The following CFAP299 variants were observed in gnomAD, a reference collection of about 807,000 sequenced individuals.
The protein encoded by CFAP299 is cilia and flagella associated protein 299.
A neutral mutation model predicts 27.0 loss-of-function variants in CFAP299; 21 were observed. That is an observed-to-expected ratio of 0.78 (90% CI 0.55 to 1.12). CFAP299 has a LOEUF of 1.12. CFAP299 is among the 50% of genes most tolerant of loss of function. The pLI, the probability that CFAP299 is intolerant of heterozygous loss-of-function variation, is 0.00. For synonymous variants in CFAP299, 104 were observed against 98.1 expected (o/e 1.06, Z -0.36); for missense variants, 310 against 276.6 (o/e 1.12, Z -0.86).
At chr4:80,604,432 G>A (rs1438293582) in intron 3 of CFAP299, among the ~76,000 whole-genome samples, 2 of 152,092 alleles carry the variant, frequency 1.3e-5, no homozygotes, top group East Asian at 1.9e-4. Flanking sequence ...CCAGTGCTCC[G>A]CTCTCTAGGT....
At chr4:80,554,628 T>G (rs1167825806) in intron 2 of CFAP299, among the ~76,000 whole-genome samples, 1 of 151,320 alleles carries the variant, frequency 6.6e-6, no homozygotes, top group Non-Finnish European at 1.5e-5. Context: ...TTTCTATCCA[T>G]AAGCATGAGA....
chr4:80,653,196 C>T (rs950617218), intron 3 of CFAP299, among the ~76,000 whole-genome samples: 3 of 152,068 alleles, frequency 2.0e-5, no homozygotes, highest in Non-Finnish European at 4.4e-5. Context: ...TTATCCAAAA[C>T]CTCCTCTTTC....
At chr4:80,485,001 G>A (rs1437773589) in intron 2 of CFAP299, among the ~76,000 whole-genome samples, 1 of 151,982 alleles carries the variant, frequency 6.6e-6, no homozygotes, top group Non-Finnish European at 1.5e-5. Context: ...TAAGTCACTA[G>A]CATCAATGAA....
chr4:80,321,370 C>T, the CFAP299 span, among the ~76,000 whole-genome samples: 1 of 152,246 alleles, frequency 6.6e-6, no homozygotes, highest in Admixed American at 6.5e-5. Context: ...TGTTAAAACC[C>T]ACCCTTGCTC....
chr4:80,665,475 G>A (rs1016455987), intron 3 of CFAP299, among the ~76,000 whole-genome samples: 1 of 151,660 alleles, frequency 6.6e-6, no homozygotes, highest in Non-Finnish European at 1.5e-5. Context: ...TCTTCTCTGT[G>A]TCCAGCTGTA....
At chr4:80,677,323 T>C (rs886538566) in intron 3 of CFAP299, among the ~76,000 whole-genome samples, 4 of 152,112 alleles carry the variant, frequency 2.6e-5, no homozygotes, top group Non-Finnish European at 4.4e-5. Context: ...CTTGATATGA[T>C]TTATGCTTTT....
At chr4:80,813,849 A>T (rs73829137) in intron 3 of CFAP299, among the ~76,000 whole-genome samples, 1 of 151,964 alleles carries the variant, frequency 6.6e-6, no homozygotes, top group Non-Finnish European at 1.5e-5. Flanking sequence ...CCAGAAAAGG[A>T]AAAAAACAAA....
intron 3 of CFAP299, among the ~76,000 whole-genome samples, chr4:80,642,132 T>C (rs1027148092): frequency 1.3e-5 from 2 of 152,174 alleles, no homozygotes; most frequent in Non-Finnish European, 2.9e-5. Context: ...ATTTATCAAT[T>C]GCAAAATACC....
intron 3 of CFAP299, among the ~76,000 whole-genome samples, chr4:80,712,923 G>A (rs1228082454): frequency 2.0e-5 from 3 of 152,094 alleles, no homozygotes; most frequent in Admixed American, 2.0e-4. Context: ...TTAGTGGAGT[G>A]CCCTATTAGA....
intron 3 of CFAP299, among the ~76,000 whole-genome samples, chr4:80,699,389 A>T (rs1236770762): frequency 6.6e-6 from 1 of 152,060 alleles, no homozygotes; most frequent in Admixed American, 6.6e-5. Context: ...CAAACTCCAT[A>T]ACTCCCGATC....
At chr4:80,778,324 C>A (rs748742614) in intron 3 of CFAP299, among the ~76,000 whole-genome samples, 9 of 152,036 alleles carry the variant, frequency 5.9e-5, no homozygotes, top group Non-Finnish European at 1.2e-4. Context: ...CTGTATCAAC[C>A]CTTAGAGCCC....
At position 80,553,927 on chromosome 4, in the gene CFAP299, CTCTT is replaced by C. The variant is rs1402639240; in HGVS notation, c.243-29162_243-29159del. Among the ~76,000 whole-genome samples, 12 of 152,110 alleles carry C rather than the reference CTCTT, an allele frequency of 7.9e-5. No individual in the cohort carries two copies. In the East Asian group the frequency reaches 2.3e-3, roughly 29 times the overall value. On this transcript the variant is annotated intron_variant, in intron 2 of 5. Coordinates refer to ENST00000358105, the MANE Select transcript of CFAP299 (RefSeq NM_152770.3). ...GATGCATAGTTTGCACATATTTTCT[CTCTT>C]TCTGTAGCTTGTCTGTTTACTCTGT...
At chr4:80,742,654 G>A (rs997927557) in intron 3 of CFAP299, among the ~76,000 whole-genome samples, 4 of 152,238 alleles carry the variant, frequency 2.6e-5, no homozygotes, top group South Asian at 4.1e-4. Flanking sequence ...GTTATAAGTG[G>A]AGAACTCTTT....
At chr4:80,886,004 A>C (rs1296157634) in intron 4 of CFAP299, among the ~76,000 whole-genome samples, 1 of 152,118 alleles carries the variant, frequency 6.6e-6, no homozygotes, top group Non-Finnish European at 1.5e-5. Flanking sequence ...AGGCCTGGTA[A>C]CATTCACCAC....
At chr4:80,566,050 C>A (rs1315054437) in intron 2 of CFAP299, among the ~76,000 whole-genome samples, 1 of 151,976 alleles carries the variant, frequency 6.6e-6, no homozygotes, top group African/African-American at 2.4e-5. Flanking sequence ...TAAGGTGAAC[C>A]CATTGCAGGG....
intron 5 of CFAP299, among the ~76,000 whole-genome samples, chr4:80,957,780 GT>G (rs1738142063): frequency 6.6e-6 from 1 of 152,066 alleles, no homozygotes; most frequent in Non-Finnish European, 1.5e-5. Flanking sequence ...CCATTTCAAA[GT>G]TTTTCACAAG....
In CFAP299 at chr4:80,764,519, T is replaced by G. The variant is rs75063485; in HGVS notation, c.334-105474T>G. 1.8e-3 allele frequency among the ~76,000 whole-genome samples: 279 copies of G among 152,310 alleles called. 1 individual carries two copies. The highest frequency in any genetic ancestry group is 2.0e-3 in the Non-Finnish European group (139 of 68,032). ...TGGGAGTGTAAATTAGTTTAACCAT[T>G]GTGGAAGACAGTATGGTGATTCCTC... On this transcript the variant is annotated intron_variant, in intron 3 of 5. Coordinates refer to ENST00000358105, the MANE Select transcript of CFAP299 (RefSeq NM_152770.3).
At chr4:80,386,852 C>G in intron 2 of CFAP299, 1 of 880,064 alleles carries the variant, frequency 1.1e-6, no homozygotes, top group Admixed American at 1.7e-5. Flanking sequence ...GTCTCTCTTA[C>G]AGTTTGTCCT....
At chr4:80,916,822 T>C (rs749979158) in intron 4 of CFAP299, among the ~76,000 whole-genome samples, 2 of 152,124 alleles carry the variant, frequency 1.3e-5, no homozygotes, top group Non-Finnish European at 2.9e-5. Flanking sequence ...AATAGAATTA[T>C]TCATTTTGAA....
Sources: allele counts gnomAD v4.1 joint callset (sites outside exome capture counted in the v4.1 genomes callset), GRCh38; gene constraint gnomAD v4.1.1; transcripts MANE v1.5; gene names NCBI Gene and HGNC (gene_info 2026-07-23, HGNC 2026-07-21).